The following AMY2B variants were observed in gnomAD, a reference collection of about 807,000 sequenced individuals.
The protein encoded by AMY2B is amylase alpha 2B, also known as alpha-amylase 2B.
AMY2B carries 63 observed loss-of-function variants against 59.3 expected under a neutral mutation model. The observed-to-expected ratio is 1.06, with a 90% CI of 0.87 to 1.31. AMY2B has a LOEUF of 1.31. AMY2B is among the 50% of genes most tolerant of loss of function. AMY2B has a pLI of 0.00. For missense variants in AMY2B, 635 were observed against 626.7 expected (o/e 1.01, Z -0.14); for synonymous variants, 180 against 198.1 (o/e 0.91, Z 0.77).
upstream of AMY2B, among the ~76,000 whole-genome samples, chr1:103,567,728 C>G (rs1481006530): frequency 6.6e-6 from 1 of 152,178 alleles, no homozygotes; most frequent in Non-Finnish European, 1.5e-5. Context: ...ACAGCTCTCT[C>G]TTTCTTCATG....
chr1:103,557,509 C>G (rs570872232), intron 1 of AMY2B, among the ~76,000 whole-genome samples: 1 of 152,024 alleles, frequency 6.6e-6, no homozygotes, highest in African/African-American at 2.4e-5. Context: ...AAAAAAATTG[C>G]TGGGCATGGT....
intron 1 of AMY2B, among the ~76,000 whole-genome samples, chr1:103,559,512 A>T (rs1320350201): frequency 6.6e-6 from 1 of 152,226 alleles, no homozygotes; most frequent in East Asian, 1.9e-4. Flanking sequence ...GTCCTAATTC[A>T]TACCAGCATT....
At chr1:103,569,594 C>T, upstream of AMY2B, 1 of 389,752 alleles carries the variant, frequency 2.6e-6, no homozygotes, top group Non-Finnish European at 5.2e-6. Flanking sequence ...ACAATGGCTC[C>T]AGCATGTGCA....
In AMY2B at chr1:103,571,744, G is replaced by C. The variant is rs1258720765; in HGVS notation, c.142G>C (p.Ala48Pro). 4 of 1,611,948 alleles carry C rather than the reference G, an allele frequency of 2.5e-6. No homozygotes were observed. Among genetic ancestry groups the C allele is most frequent in the Non-Finnish European group, 3.4e-6 (4 of 1,179,816 alleles). The change falls in exon 1 of 10, where the codon GCT (alanine) becomes CCT (proline). Residue 48 changes from alanine to proline, a missense_variant. Coordinates refer to ENST00000684275, the MANE Select transcript of AMY2B (RefSeq NM_001387437.1). ...DIALECERYL[A>P]PKGFGGVQVS... ...TGCTCTTGAATGTGAGCGATATTTA[G>C]CTCCCAAGGGATTTGGAGGGGTTCA...
intron 7 of AMY2B, among the ~76,000 whole-genome samples, chr1:103,576,035 A>G (rs541888022): frequency 1.3e-5 from 2 of 152,322 alleles, no homozygotes; most frequent in South Asian, 2.1e-4. Context: ...AGGAAATTAT[A>G]TGTACTAAAG....
upstream of AMY2B, chr1:103,571,554 C>T (rs774404230): frequency 1.1e-5 from 18 of 1,594,536 alleles, no homozygotes; most frequent in East Asian, 1.1e-4. Flanking sequence ...GTGCTTCTTA[C>T]AGGAATATAA....
chr1:103,566,411 G>A lies in AMY2B; in HGVS notation c.-47+817G>A, dbSNP rs552413229. On this transcript the variant is annotated intron_variant, in intron 2 of 11. Coordinates refer to the AMY2B transcript ENST00000361355. Reference sequence around the variant, plus strand: ...ACGTATTTTACTAACTGCATTAAAAGAAACCAAAAGACACTAGGGAAATTA... The same window carrying A: ...ACGTATTTTACTAACTGCATTAAAAAAAACCAAAAGACACTAGGGAAATTA... 3.3e-5 allele frequency among the ~76,000 whole-genome samples: 5 copies of A among 152,220 alleles called. No individual in the cohort carries two copies. The South Asian group carries it at 6.2e-4, about 19-fold the overall frequency.
intron 1 of AMY2B, among the ~76,000 whole-genome samples, chr1:103,559,975 T>G (rs1651682325): frequency 6.6e-6 from 1 of 152,210 alleles, no homozygotes; most frequent in South Asian, 2.1e-4. Context: ...TTATAACACT[T>G]CTTATAACAA....
At chr1:103,555,023 T>C (rs528545519) in exon 1 of AMY2B, 2 of 152,246 alleles carry the variant, frequency 1.3e-5, no homozygotes, top group Admixed American at 6.5e-5. Flanking sequence ...TGGGCTTTTA[T>C]GATGTTTTAG....
At chr1:103,572,409 TC>T (rs1652172647) in intron 2 of AMY2B, among the ~76,000 whole-genome samples, 153 bp downstream of exon 2, 1 of 152,220 alleles carries the variant, frequency 6.6e-6, no homozygotes, top group Non-Finnish European at 1.5e-5. Flanking sequence ...TGCCTTATGT[TC>T]AGCTTTTGTA....
At chr1:103,571,858 T>C (rs1652145436) in intron 1 of AMY2B, 88 bp downstream of exon 1, 1 of 1,610,250 alleles carries the variant, frequency 6.2e-7, no homozygotes, top group South Asian at 1.1e-5. Flanking sequence ...TTAGGCAACA[T>C]TTTACTTCAC....
intron 2 of AMY2B, chr1:103,565,648 T>C (rs1651885064): frequency 6.7e-6 from 1 of 149,464 alleles, no homozygotes; most frequent in Non-Finnish European, 1.5e-5. Context: ...CAAACTCCCT[T>C]CTGCAAACCC....
chr1:103,574,041 T>C (rs1427467781), intron 4 of AMY2B, 103 bp downstream of exon 4: 10 of 1,582,548 alleles, frequency 6.3e-6, no homozygotes, highest in Non-Finnish European at 6.0e-6. Flanking sequence ...GACTGAGTCA[T>C]TTATATAAAA....
rs183969492 is a variant in AMY2B at position 103,574,771 on chromosome 1, T to C, written c.878+378T>C. The stretch of plus-strand genomic sequence containing the variant: ...ACATATATTATATGAATTAAAAATA[T>C]AAAAATATTTATATTATAACAATAC... On this transcript the variant is annotated intron_variant, in intron 5 of 9. Coordinates refer to ENST00000684275, the MANE Select transcript of AMY2B (RefSeq NM_001387437.1). Among the ~76,000 whole-genome samples the C allele has an allele frequency of 4.4e-3, 672 of 151,578 alleles. 1 individual carries two copies. Among genetic ancestry groups the C allele is most frequent in the Non-Finnish European group, 7.3e-3 (494 of 67,850 alleles).
chr1:103,571,251 G>A (rs554320574), upstream of AMY2B: 19 of 725,790 alleles, frequency 2.6e-5, no homozygotes, highest in South Asian at 2.1e-4. Flanking sequence ...TTTAATTTAT[G>A]TAAAGTTTTT....
chr1:103,559,685 G>C (rs1446184961), intron 1 of AMY2B, among the ~76,000 whole-genome samples: 1 of 152,090 alleles, frequency 6.6e-6, no homozygotes, highest in East Asian at 1.9e-4. Flanking sequence ...CAAATTTCAA[G>C]AGAAAACTCA....
At chr1:103,569,579 G>A (rs1570643156), upstream of AMY2B, 11 of 373,222 alleles carry the variant, frequency 2.9e-5, no homozygotes, top group South Asian at 2.4e-4. Context: ...CCGTACTGGT[G>A]ATTGACAATG....
At chr1:103,575,765 C>T (rs1652328946) in intron 7 of AMY2B, 2 of 598,598 alleles carry the variant, frequency 3.3e-6, no homozygotes, top group Non-Finnish European at 5.2e-6. Context: ...AAACATCCCC[C>T]TAGCCCACAG....
intron 1 of AMY2B, among the ~76,000 whole-genome samples, chr1:103,559,309 A>G (rs1651660518): frequency 6.6e-6 from 1 of 152,198 alleles, no homozygotes; most frequent in Non-Finnish European, 1.5e-5. Flanking sequence ...TATTCAGTAC[A>G]ATAACATGCC....
Sources: allele counts gnomAD v4.1 joint callset (sites outside exome capture counted in the v4.1 genomes callset), GRCh38; gene constraint gnomAD v4.1.1; transcripts MANE v1.5; gene names NCBI Gene and HGNC (gene_info 2026-07-23, HGNC 2026-07-21).